The following NDC1 variants were observed in gnomAD, a reference collection of about 807,000 sequenced individuals.
NDC1 encodes the protein NDC1 transmembrane nucleoporin.
A neutral mutation model predicts 89.8 loss-of-function variants in NDC1; 24 were observed. The observed-to-expected ratio is 0.27, with a 90% CI of 0.19 to 0.38. The LOEUF is 0.38. NDC1 is among the 10% of genes least tolerant of loss of function. NDC1 has a pLI of 1.00. For synonymous variants in NDC1, 296 were observed against 284.8 expected, an observed-to-expected ratio of 1.04 and a Z score of -0.39; for missense variants, 728 against 797.6, an observed-to-expected ratio of 0.91 and a Z score of 1.05.
intron 6 of NDC1, among the ~76,000 whole-genome samples, chr1:53,817,424 G>C (rs963058980): frequency 6.6e-6 from 1 of 152,196 alleles, no homozygotes. Context: ...CTGATACGTG[G>C]GAGCTAAACT....
At chr1:53,824,288 G>C (rs1008770756) in intron 5 of NDC1, among the ~76,000 whole-genome samples, 3 of 150,088 alleles carry the variant, frequency 2.0e-5, no homozygotes, top group African/African-American at 7.4e-5. Flanking sequence ...GAGAGAGAGA[G>C]ACACGGTCTA....
intron 10 of NDC1, among the ~76,000 whole-genome samples, chr1:53,802,031 C>T (rs1184555535): frequency 1.3e-5 from 2 of 152,188 alleles, no homozygotes; most frequent in Admixed American, 6.5e-5. Context: ...ACGTGAGCTG[C>T]GTCCATCCAA....
intron 10 of NDC1, among the ~76,000 whole-genome samples, chr1:53,802,874 AT>A (rs984160450): frequency 5.3e-5 from 8 of 151,574 alleles, no homozygotes; most frequent in African/African-American, 1.9e-4. Flanking sequence ...TTTCTTCCTA[AT>A]TTTTTTTTAA....
At chr1:53,782,267 G>A (rs1424385227) in intron 16 of NDC1, among the ~76,000 whole-genome samples, 2 of 152,154 alleles carry the variant, frequency 1.3e-5, no homozygotes, top group South Asian at 2.1e-4. Context: ...ATCAGAGCAC[G>A]AAGTAACTCA....
At chr1:53,819,773 CTAAT>C (rs989280652) in intron 5 of NDC1, among the ~76,000 whole-genome samples, 20 of 152,152 alleles carry the variant, frequency 1.3e-4, no homozygotes, top group African/African-American at 4.8e-4. Flanking sequence ...TGCCTCCTCT[CTAAT>C]TATGTGAAAG....
At chr1:53,817,139 G>A (rs565845183) in intron 6 of NDC1, among the ~76,000 whole-genome samples, 16 of 152,240 alleles carry the variant, frequency 1.1e-4, no homozygotes, top group East Asian at 5.8e-4. Context: ...CCACTACTGC[G>A]TATCTACTCA....
At chr1:53,817,227 G>A (rs1031453579) in intron 6 of NDC1, among the ~76,000 whole-genome samples, 8 of 152,172 alleles carry the variant, frequency 5.3e-5, no homozygotes, top group African/African-American at 1.9e-4. Context: ...TAGCAAAATT[G>A]TGGAACCAAC....
At chr1:53,800,262 G>A (rs1009035810) in intron 11 of NDC1, among the ~76,000 whole-genome samples, 1 of 146,730 alleles carries the variant, frequency 6.8e-6, no homozygotes, top group Non-Finnish European at 1.5e-5. Context: ...GATGCTATAT[G>A]TTGGATCAAT....
Position 53,825,803 on chromosome 1 carries a change from T to C in NDC1, c.589A>G (p.Ile197Val), listed in dbSNP as rs780758332. 7.6e-6 allele frequency: 12 copies of C among 1,588,234 alleles called. No individual in the cohort carries two copies. The highest frequency in any genetic ancestry group is 1.0e-5 in the Non-Finnish European group (12 of 1,172,412). ...TAATGCTCAAATGATCTTACCTGTA[T>C]GATGGGAAATGGAAGATAGTTCATG... ...NNMNYLPFPIIQQYKFLRFRR... is the reference protein window; with the variant it reads ...NNMNYLPFPIVQQYKFLRFRR... The change falls in exon 5 of 18, where the codon ATA becomes GTA. Residue 197 changes from isoleucine to valine, a missense_variant. Physicochemically the swap from Ile to Val is conservative, Grantham distance 29. Coordinates refer to ENST00000371429, the MANE Select transcript of NDC1 (RefSeq NM_018087.5).
chr1:53,819,230 C>G (rs917640958), intron 5 of NDC1, 151 bp from the exon 6 acceptor site: 10 of 589,854 alleles, frequency 1.7e-5, no homozygotes, highest in South Asian at 2.2e-5. Flanking sequence ...GCAAAAACAT[C>G]AACTATTTCA....
chr1:53,820,603 CT>C (rs1648635230), intron 5 of NDC1, among the ~76,000 whole-genome samples: 1 of 151,750 alleles, frequency 6.6e-6, no homozygotes. Flanking sequence ...CCTCTCTCTC[CT>C]TCTCAGTCTC....
chr1:53,791,118 A>G (rs1024777833), intron 14 of NDC1, among the ~76,000 whole-genome samples: 1 of 152,182 alleles, frequency 6.6e-6, no homozygotes, highest in Non-Finnish European at 1.5e-5. Context: ...TTCTATACGT[A>G]AGTAAGAACG....
intron 7 of NDC1, among the ~76,000 whole-genome samples, chr1:53,808,666 A>G (rs1648196895): frequency 6.6e-6 from 1 of 152,184 alleles, no homozygotes; most frequent in Admixed American, 6.5e-5. Context: ...ACATTTTTTG[A>G]GTGCAAGGAA....
At chr1:53,798,672 A>G (rs1647810232) in intron 11 of NDC1, among the ~76,000 whole-genome samples, 1 of 151,530 alleles carries the variant, frequency 6.6e-6, no homozygotes, top group African/African-American at 2.4e-5. Flanking sequence ...CTCCTGCCTC[A>G]GCCTCCTGAG....
intron 11 of NDC1, among the ~76,000 whole-genome samples, chr1:53,799,328 T>C (rs1017374675): frequency 2.0e-5 from 3 of 152,216 alleles, no homozygotes; most frequent in South Asian, 2.1e-4. Flanking sequence ...CATTGTTTGG[T>C]ATGCAGTAGG....
intron 13 of NDC1, among the ~76,000 whole-genome samples, chr1:53,794,993 T>C (rs1376088253): frequency 6.6e-6 from 1 of 152,208 alleles, no homozygotes; most frequent in African/African-American, 2.4e-5. Context: ...TGGTCTCCAA[T>C]TCGTCTACCA....
chr1:53,830,094 C>T (rs1037621934), intron 3 of NDC1, among the ~76,000 whole-genome samples: 4 of 151,542 alleles, frequency 2.6e-5, no homozygotes, highest in Non-Finnish European at 5.9e-5. Flanking sequence ...GAGGCGTCAG[C>T]GAGCCAAGAC....
At chr1:53,772,702 A>ATAACAT (rs1195320411) in intron 16 of NDC1, among the ~76,000 whole-genome samples, 2 of 151,846 alleles carry the variant, frequency 1.3e-5, no homozygotes, top group East Asian at 3.8e-4. Context: ...ATAACATAAC[A>ATAACAT]TAACATAACA....
intron 6 of NDC1, among the ~76,000 whole-genome samples, chr1:53,815,756 T>C (rs1305317402): frequency 6.6e-6 from 1 of 152,178 alleles, no homozygotes; most frequent in Non-Finnish European, 1.5e-5. Context: ...CAGCAAAGTT[T>C]CCAGCTACAA....
Sources: allele counts gnomAD v4.1 joint callset (sites outside exome capture counted in the v4.1 genomes callset), GRCh38; gene constraint gnomAD v4.1.1; transcripts MANE v1.5; gene names NCBI Gene and HGNC (gene_info 2026-07-23, HGNC 2026-07-21).